DGKG: variants seen among roughly 807,000 people sequenced by gnomAD.
DGKG encodes diacylglycerol kinase gamma, also known as DAG kinase gamma.
DGKG carries 78 observed loss-of-function variants against 105.3 expected under a neutral mutation model. That is an observed-to-expected ratio of 0.74 (90% confidence interval 0.62 to 0.89). The LOEUF is 0.89. Ranked by LOEUF, DGKG falls within the 40% of genes least tolerant of loss-of-function variation. The pLI is 0.00. For missense variants in DGKG, 958 were observed against 1,020.1 expected, an observed-to-expected ratio of 0.94 and a Z score of 0.83; for synonymous variants, 346 against 367.1, an observed-to-expected ratio of 0.94 and a Z score of 0.66.
chr3:186,341,273 A>C (rs1024346532), intron 1 of DGKG, among the ~76,000 whole-genome samples: 5 of 152,204 alleles, frequency 3.3e-5, no homozygotes, highest in African/African-American at 1.2e-4. Context: ...GGGTAAGTTC[A>C]TGTCTGGTCA....
intron 17 of DGKG, among the ~76,000 whole-genome samples, chr3:186,254,481 C>G (rs531766507): frequency 6.6e-6 from 1 of 152,306 alleles, no homozygotes; most frequent in South Asian, 2.1e-4. Context: ...GCCTAGAAGG[C>G]TCTTGTTTCC....
At chr3:186,202,114 C>T (rs989246398) in intron 21 of DGKG, among the ~76,000 whole-genome samples, 1 of 152,178 alleles carries the variant, frequency 6.6e-6, no homozygotes, top group Admixed American at 6.5e-5. Flanking sequence ...GGGAATAATA[C>T]ACAACCATGC....
intron 1 of DGKG, among the ~76,000 whole-genome samples, chr3:186,321,596 GCA>G (rs1397670124): frequency 6.6e-6 from 1 of 152,190 alleles, no homozygotes; most frequent in Non-Finnish European, 1.5e-5. Flanking sequence ...CAAAGAACAA[GCA>G]CAGTTTTAAC....
intron 16 of DGKG, among the ~76,000 whole-genome samples, chr3:186,259,271 G>T (rs2268836): frequency 0.11 from 16,090 of 152,160 alleles, 960 homozygotes; most frequent in Middle Eastern, 0.15. Context: ...TACACGAGGT[G>T]AAGCTGGAGG....
chr3:186,323,126 G>C (rs530200505), intron 1 of DGKG, among the ~76,000 whole-genome samples: 1 of 152,026 alleles, frequency 6.6e-6, no homozygotes, highest in African/African-American at 2.4e-5. Context: ...CATCTCTCTC[G>C]GTAATAAAAT....
At position 186,200,573 on chromosome 3, in the gene DGKG, C is replaced by T. The variant is rs147661659; in HGVS notation, c.1917+11222G>A. Among the ~76,000 whole-genome samples the T allele has an allele frequency of 4.1e-4, 62 of 152,226 alleles. No individual in the cohort carries two copies. The East Asian group carries it at 0.012, about 29-fold the overall frequency. ...GTGGAGTGGTAAGTGGAACTAAATC[C>T]CCTTCCAGTTCCAAAATTCCACATC... On this transcript the variant is annotated intron_variant, in intron 21 of 24. Coordinates refer to ENST00000265022, the MANE Select transcript of DGKG (RefSeq NM_001346.3).
chr3:186,211,884 T>A lies in DGKG; in HGVS notation c.1828A>T (p.Met610Leu). ...EKHPEKFNSRMKNKLWYFEFG... is the reference protein window; with the variant it reads ...EKHPEKFNSRLKNKLWYFEFG... ...TCAAAGTACCACAGCTTGTTCTTCA[T>A]CCTGGACCACAAAGCAGAGAGATGT... Residue 610 changes from methionine to leucine, a missense_variant and splice_region_variant, in exon 21 of 25, where the codon ATG becomes TTG. This residue lies in a region of DGKG where 315 missense variants were observed against 400.6 expected (regional missense o/e 0.79). Coordinates refer to ENST00000265022, the MANE Select transcript of DGKG (RefSeq NM_001346.3). 6.2e-7 allele frequency: 1 copy of A among 1,613,196 alleles called. No homozygotes were observed. Among genetic ancestry groups the A allele is most frequent in the Non-Finnish European group, 8.5e-7 (1 of 1,179,082 alleles).
At chr3:186,306,125 G>C (rs934370081) in intron 3 of DGKG, among the ~76,000 whole-genome samples, 5 of 152,154 alleles carry the variant, frequency 3.3e-5, no homozygotes, top group Non-Finnish European at 7.3e-5. Context: ...CTAGTGATTT[G>C]AGTGGAAGAG....
intron 21 of DGKG, among the ~76,000 whole-genome samples, chr3:186,195,920 C>G (rs1718155477): frequency 6.6e-6 from 1 of 152,064 alleles, no homozygotes; most frequent in African/African-American, 2.4e-5. Flanking sequence ...TTGGTTGTCT[C>G]TTTTTTGTGA....
intron 3 of DGKG, among the ~76,000 whole-genome samples, chr3:186,299,344 G>C (rs1227759409): frequency 6.6e-6 from 1 of 152,178 alleles, no homozygotes; most frequent in East Asian, 1.9e-4. Flanking sequence ...CAGAACCAGA[G>C]ACTGGCTTAC....
chr3:186,183,733 T>C (rs2108496823), intron 22 of DGKG, among the ~76,000 whole-genome samples: 1 of 152,124 alleles, frequency 6.6e-6, no homozygotes, highest in African/African-American at 2.4e-5. Context: ...AGATGAAGTT[T>C]CGCTCTTGTT....
Position 186,280,687 on chromosome 3 carries a change from G to GTTTGCA in DGKG, c.651_652insTGCAAA (p.Asp217_Pro218insCysLys). 1 of 1,614,016 alleles carries GTTTGCA rather than the reference G, an allele frequency of 6.2e-7. No individual in the cohort carries two copies. The highest frequency in any genetic ancestry group is 1.1e-5 in the South Asian group (1 of 91,070). On this transcript the variant is annotated inframe_insertion, in exon 8 of 25. Transcript: ENST00000265022. Reference sequence around the variant, plus strand: ...AAACTCACAGGCCTCAGCTCTGTGGGATCCCACTCCAGGTACTGGGCAATA... The same window carrying GTTTGCA: ...AAACTCACAGGCCTCAGCTCTGTGGGTTTGCAATCCCACTCCAGGTACTGGGCAATA...
intron 23 of DGKG, among the ~76,000 whole-genome samples, chr3:186,162,297 G>A (rs1304124635): frequency 6.6e-6 from 1 of 152,222 alleles, no homozygotes; most frequent in Non-Finnish European, 1.5e-5. Context: ...GTCCACAGAA[G>A]TCTGGGATAC....
At chr3:186,285,679 C>CTTTTTT (rs34275225) in intron 6 of DGKG, among the ~76,000 whole-genome samples, 3 of 133,244 alleles carry the variant, frequency 2.3e-5, no homozygotes, top group African/African-American at 5.6e-5. Context: ...TTCTTTCTTT[C>CTTTTTT]TTTTTTTTTT....
chr3:186,179,301 C>T (rs572699253), intron 22 of DGKG, among the ~76,000 whole-genome samples: 8 of 152,274 alleles, frequency 5.3e-5, no homozygotes, highest in Admixed American at 1.3e-4. Flanking sequence ...AGAGCTGAGT[C>T]GTTGCATCAG....
intron 21 of DGKG, chr3:186,207,560 C>A: frequency 3.3e-6 from 3 of 904,220 alleles, no homozygotes; most frequent in Non-Finnish European, 4.0e-6. Context: ...GCCCTGAAAA[C>A]TTCAATCCTA....
chr3:186,354,442 C>G (rs1726807193), intron 1 of DGKG, among the ~76,000 whole-genome samples: 1 of 152,154 alleles, frequency 6.6e-6, no homozygotes, highest in Non-Finnish European at 1.5e-5. Context: ...CTGTTTATTC[C>G]CAAGGCGAGA....
chr3:186,257,698 C>A (rs1487846457), intron 17 of DGKG, 156 bp downstream of exon 17: 183 of 383,624 alleles, frequency 4.8e-4, no homozygotes, highest in Non-Finnish European at 6.0e-4. Context: ...TTTTTTTTTT[C>A]CACCCAAAGC....
rs68014632 is a variant in DGKG, at chr3:186,265,657, C to CTTTTTTT, written c.1210-358_1210-352dup. Among the ~76,000 whole-genome samples the CTTTTTTT allele has an allele frequency of 2.6e-3, 201 of 77,368 alleles. 5 individuals carry two copies. Among genetic ancestry groups the CTTTTTTT allele is most frequent in the African/African-American group, 4.9e-3 (96 of 19,572 alleles). The allele number at this position is 77,368 out of a possible 152,430, so 50.8% of individuals were successfully genotyped here. The stretch of plus-strand genomic sequence containing the variant: ...TTGGCGACTTGGCTTTTCTTCCTTT[C>CTTTTTTT]TTTTTTTTTTTTTTTTTTTTTTTTG... On this transcript the variant is annotated intron_variant, in intron 13 of 24. Coordinates refer to ENST00000265022, the MANE Select transcript of DGKG (RefSeq NM_001346.3).
Sources: allele counts gnomAD v4.1 joint callset (sites outside exome capture counted in the v4.1 genomes callset), GRCh38; gene constraint gnomAD v4.1.1; regional missense constraint gnomAD v4.1.1; transcripts MANE v1.5; gene names NCBI Gene and HGNC (gene_info 2026-07-23, HGNC 2026-07-21).